The following APP variants were observed in gnomAD, a reference collection of about 807,000 sequenced individuals.
APP encodes amyloid-beta precursor protein.
A neutral mutation model predicts 101.4 loss-of-function variants in APP; 31 were observed. That is an observed-to-expected ratio of 0.31 (90% confidence interval 0.23 to 0.41). APP has a LOEUF of 0.41. Ranked by LOEUF, APP falls within the 10% of genes least tolerant of loss-of-function variation. APP has a pLI of 1.00. For synonymous variants in APP, 366 were observed against 364.4 expected (o/e 1.00, Z -0.05); for missense variants, 839 against 1,003.7 (o/e 0.84, Z 2.22).
intron 13 of APP, among the ~76,000 whole-genome samples, chr21:25,952,036 A>G (rs922602710): frequency 6.6e-6 from 1 of 152,202 alleles, no homozygotes; most frequent in African/African-American, 2.4e-5. Flanking sequence ...TATAGAGAAC[A>G]GTCATTTAAA....
At chr21:25,892,480 T>C (rs904792130) in intron 16 of APP, among the ~76,000 whole-genome samples, 8 of 152,184 alleles carry the variant, frequency 5.3e-5, no homozygotes, top group Admixed American at 2.0e-4. Context: ...CTTTTAGCTA[T>C]AGTAATTCTG....
chr21:26,064,675 C>G (rs1296331726), intron 3 of APP, among the ~76,000 whole-genome samples: 1 of 152,136 alleles, frequency 6.6e-6, no homozygotes, highest in Non-Finnish European at 1.5e-5. Context: ...TTAACACCCT[C>G]CCCCTAACAA....
rs2043196934 is a variant in APP at position 25,999,588 on chromosome 21, AG to A, written c.1033+426del. 3.9e-5 allele frequency among the ~76,000 whole-genome samples: 6 copies of A among 152,370 alleles called. No homozygotes were observed. The South Asian group carries it at 1.2e-3, about 32-fold the overall frequency. On this transcript the variant is annotated intron_variant, in intron 7 of 17. Transcript: ENST00000346798. ...TTATCAATGCAACTCAAGCTGCATCAGCCAGGCTTCCAGTGGTAGACAGTAT... is the reference window on the plus strand; with the variant it reads ...TTATCAATGCAACTCAAGCTGCATCACCAGGCTTCCAGTGGTAGACAGTAT...
chr21:26,011,360 G>A (rs1343115569), intron 6 of APP, among the ~76,000 whole-genome samples: 1 of 152,108 alleles, frequency 6.6e-6, no homozygotes, highest in Non-Finnish European at 1.5e-5. Context: ...ACAAGTGTGA[G>A]CCACCACGCC....
intron 13 of APP, among the ~76,000 whole-genome samples, chr21:25,912,966 A>G (rs951192165): frequency 6.6e-6 from 1 of 152,216 alleles, no homozygotes; most frequent in Non-Finnish European, 1.5e-5. Flanking sequence ...GCACTGCACT[A>G]TTAACAATAA....
rs576176468 is a variant in APP at position 26,099,751 on chromosome 21, G to A, written c.226-9679C>T. On this transcript the variant is annotated intron_variant, in intron 2 of 17. Coordinates refer to ENST00000346798, the MANE Select transcript of APP (RefSeq NM_000484.4). ...AGAAAGAGAACTGGAAAACGAAAAC[G>A]TTCTCTGCTTGCAACTTAATGAGGC... Among the ~76,000 whole-genome samples, 3 of 152,266 alleles carry A rather than the reference G, an allele frequency of 2.0e-5. No homozygotes were observed. The East Asian group carries it at 5.8e-4, about 29-fold the overall frequency.
intron 5 of APP, among the ~76,000 whole-genome samples, chr21:26,027,233 A>G (rs1212724745): frequency 3.3e-5 from 5 of 152,190 alleles, no homozygotes; most frequent in Non-Finnish European, 7.3e-5. Flanking sequence ...AAAGCTCAGC[A>G]GGAAGAGGTT....
intron 13 of APP, among the ~76,000 whole-genome samples, chr21:25,938,502 T>C (rs1428152280): frequency 6.6e-6 from 1 of 152,146 alleles, no homozygotes; most frequent in East Asian, 1.9e-4. Context: ...AGAATCCTTA[T>C]ATTTTTGTTA....
intron 13 of APP, among the ~76,000 whole-genome samples, chr21:25,913,707 T>C (rs1362995700): frequency 6.6e-6 from 1 of 152,232 alleles, no homozygotes; most frequent in Non-Finnish European, 1.5e-5. Flanking sequence ...TCACTTACCA[T>C]GTCCTTTATT....
chr21:26,097,380 T>C (rs1437150993), intron 2 of APP, among the ~76,000 whole-genome samples: 1 of 152,196 alleles, frequency 6.6e-6, no homozygotes, highest in Middle Eastern at 3.2e-3. Flanking sequence ...CTGATAAGCA[T>C]GTAATTAATA....
intron 11 of APP, among the ~76,000 whole-genome samples, chr21:25,961,904 AT>A (rs56762084): frequency 0.084 from 12,321 of 147,022 alleles, 1,148 homozygotes; most frequent in African/African-American, 0.21. Flanking sequence ...TTTAAGAAAC[AT>A]TTTTTTTTTT....
rs2039720761 is a variant in APP, at chr21:25,923,431, G to C, written c.1688-11469C>G. 2.9e-5 allele frequency among the ~76,000 whole-genome samples: 4 copies of C among 137,290 alleles called. No individual in the cohort carries two copies. The South Asian group carries it at 9.6e-4, about 33-fold the overall frequency. 90.1% of individuals were successfully genotyped at this position (137,290 alleles called of 152,430 possible). The stretch of plus-strand genomic sequence containing the variant: ...TGCACAGCAAAAGAAACTACCATCA[G>C]AGTGAACAGGCAACCTACAACATGG... On this transcript the variant is annotated intron_variant, in intron 13 of 17. Transcript: ENST00000346798.
intron 11 of APP, among the ~76,000 whole-genome samples, chr21:25,963,516 C>A (rs142978135): frequency 6.6e-6 from 1 of 152,296 alleles, no homozygotes; most frequent in East Asian, 1.9e-4. Context: ...CTTTCCAGGT[C>A]ACAGAAAACC....
At position 26,053,184 on chromosome 21, in the gene APP, C is replaced by T. The variant is rs186489496; in HGVS notation, c.468+52G>A. 3.0e-5 allele frequency: 40 copies of T among 1,341,882 alleles called. No homozygotes were observed. In the African/African-American group the frequency reaches 5.0e-4, roughly 17 times the overall value. 83.1% of individuals were successfully genotyped at this position (1,341,882 alleles called of 1,614,324 possible). ...AATACCCCTAAAATGCCATTAAGCA[C>T]GTCCCCAGGAAATCTTCACTTTGCA... On this transcript the variant is annotated intron_variant, in intron 4 of 17. Coordinates refer to ENST00000346798, the MANE Select transcript of APP (RefSeq NM_000484.4).
chr21:26,166,880 G>A (rs932093209), intron 1 of APP, among the ~76,000 whole-genome samples: 4 of 89,052 alleles, frequency 4.5e-5, no homozygotes, highest in Non-Finnish European at 7.9e-5. Flanking sequence ...GTGAGAGAGA[G>A]AGAGAGAGAG....
chr21:26,015,279 A>G (rs2044001053), intron 6 of APP, among the ~76,000 whole-genome samples: 1 of 152,170 alleles, frequency 6.6e-6, no homozygotes, highest in Admixed American at 6.5e-5. Context: ...AACCATAACT[A>G]AGAGAGCAAC....
chr21:25,989,593 C>A (rs1013090323), intron 8 of APP, among the ~76,000 whole-genome samples: 1 of 152,046 alleles, frequency 6.6e-6, no homozygotes, highest in Non-Finnish European at 1.5e-5. Flanking sequence ...GGCATTCAGT[C>A]GATATATTAA....
At chr21:26,018,992 G>A (rs930569506) in intron 6 of APP, among the ~76,000 whole-genome samples, 7 of 152,250 alleles carry the variant, frequency 4.6e-5, no homozygotes, top group South Asian at 2.1e-4. Context: ...TAATGCAGAC[G>A]ATAATGAGAC....
At chr21:25,920,717 G>A (rs2039589656) in intron 13 of APP, among the ~76,000 whole-genome samples, 1 of 150,468 alleles carries the variant, frequency 6.6e-6, no homozygotes, top group Admixed American at 6.6e-5. Context: ...GGAGCACCCA[G>A]ATTCATAAAG....
Sources: gnomAD v4.1 joint callset for allele counts (sites outside exome capture counted in the v4.1 genomes callset) on GRCh38, gnomAD v4.1.1 for gene constraint, MANE v1.5 for transcripts, NCBI Gene and HGNC (gene_info 2026-07-23, HGNC 2026-07-21) for gene names.